Variants in HS3ST4 observed in about 807,000 individuals in gnomAD.
The protein encoded by HS3ST4 is heparan sulfate-glucosamine 3-sulfotransferase 4.
HS3ST4 carries 17 observed loss-of-function variants against 29.2 expected under a neutral mutation model. That is an observed-to-expected ratio of 0.58 (90% CI 0.40 to 0.87). HS3ST4 has a LOEUF of 0.87. HS3ST4 is among the 40% of genes least tolerant of loss of function. The probability of loss-of-function intolerance (pLI) is 0.00; values close to 1 mark genes in which losing one functional copy is unlikely to be tolerated. For missense variants in HS3ST4, 627 were observed against 634.5 expected (o/e 0.99, Z 0.13); for synonymous variants, 314 against 285.7 (o/e 1.10, Z -1.00).
At chr16:25,725,402 C>G (rs1475719981) in intron 1 of HS3ST4, among the ~76,000 whole-genome samples, 1 of 152,090 alleles carries the variant, frequency 6.6e-6, no homozygotes, top group Non-Finnish European at 1.5e-5. Flanking sequence ...TTAGAAAATA[C>G]CAAAAGTACA....
intron 1 of HS3ST4, among the ~76,000 whole-genome samples, chr16:25,832,589 G>T (rs565462433): frequency 6.6e-6 from 1 of 152,110 alleles, no homozygotes; most frequent in African/African-American, 2.4e-5. Flanking sequence ...TTATGAAATC[G>T]TTGTGTTTAT....
intron 1 of HS3ST4, among the ~76,000 whole-genome samples, chr16:25,968,349 G>A (rs1285976418): frequency 1.3e-5 from 2 of 152,090 alleles, no homozygotes; most frequent in African/African-American, 2.4e-5. Flanking sequence ...GTCTCTGGAC[G>A]ATCAGGACCT....
intron 1 of HS3ST4, among the ~76,000 whole-genome samples, chr16:26,104,061 C>G (rs552041159): frequency 1.1e-4 from 16 of 152,144 alleles, no homozygotes; most frequent in Non-Finnish European, 1.6e-4. Flanking sequence ...GTATTTAGAA[C>G]TCCCTAAAGG....
At chr16:25,752,633 C>G (rs1966729622) in intron 1 of HS3ST4, among the ~76,000 whole-genome samples, 1 of 152,184 alleles carries the variant, frequency 6.6e-6, no homozygotes, top group Non-Finnish European at 1.5e-5. Flanking sequence ...AAACACAGCT[C>G]TCTCTTCATT....
intron 1 of HS3ST4, among the ~76,000 whole-genome samples, chr16:25,948,343 A>AT (rs111375192): frequency 0.013 from 2,021 of 150,248 alleles, 37 homozygotes; most frequent in African/African-American, 0.045. Context: ...GTTATATGCA[A>AT]TTTTTTTTTT....
chr16:25,778,456 C>G (rs1024784628), intron 1 of HS3ST4, among the ~76,000 whole-genome samples: 2 of 152,326 alleles, frequency 1.3e-5, no homozygotes, highest in Middle Eastern at 3.4e-3. Flanking sequence ...CAAACAAGTA[C>G]TAGGACTGAA....
At chr16:26,119,639 G>A (rs959175874) in intron 1 of HS3ST4, among the ~76,000 whole-genome samples, 3 of 151,976 alleles carry the variant, frequency 2.0e-5, no homozygotes, top group African/African-American at 4.8e-5. Context: ...CCTCAATTTG[G>A]GCACATTTTT....
At chr16:25,710,017 A>G (rs1023758397) in intron 1 of HS3ST4, among the ~76,000 whole-genome samples, 1 of 152,154 alleles carries the variant, frequency 6.6e-6, no homozygotes, top group African/African-American at 2.4e-5. Context: ...GATCAGTCTT[A>G]ATTTAACAAC....
intron 1 of HS3ST4, among the ~76,000 whole-genome samples, chr16:26,065,925 A>G (rs1452824607): frequency 1.3e-5 from 2 of 152,258 alleles, no homozygotes; most frequent in Non-Finnish European, 2.9e-5. Flanking sequence ...TAGTTGTGAT[A>G]GAAAAGAGCA....
chr16:25,862,818 T>C (rs1379744792), intron 1 of HS3ST4, among the ~76,000 whole-genome samples: 1 of 152,200 alleles, frequency 6.6e-6, no homozygotes, highest in Non-Finnish European at 1.5e-5. Flanking sequence ...GCATCATTGG[T>C]TATTTGTATC....
intron 1 of HS3ST4, among the ~76,000 whole-genome samples, chr16:25,958,972 C>T (rs908292910): frequency 2.0e-5 from 3 of 152,164 alleles, no homozygotes; most frequent in Admixed American, 2.0e-4. Flanking sequence ...AAGTTCATTG[C>T]ACAATGCACA....
rs117759573 is a variant in HS3ST4 at position 25,952,045 on chromosome 16, A to G, written c.735-183567A>G. On this transcript the variant is annotated intron_variant, in intron 1 of 1. Coordinates refer to ENST00000331351, the MANE Select transcript of HS3ST4 (RefSeq NM_006040.3). Reference sequence around the variant, plus strand: ...TTGTAGTACATGAAAATCATATAGAATTCAGACTTCATTGTCCATAAGTGA... The same window carrying G: ...TTGTAGTACATGAAAATCATATAGAGTTCAGACTTCATTGTCCATAAGTGA... 1.4e-3 allele frequency among the ~76,000 whole-genome samples: 219 copies of G among 152,344 alleles called. No homozygotes were observed. In the East Asian group the frequency reaches 0.02, roughly 14 times the overall value.
At chr16:25,853,828 A>G (rs1173754497) in intron 1 of HS3ST4, among the ~76,000 whole-genome samples, 2 of 152,118 alleles carry the variant, frequency 1.3e-5, no homozygotes, top group East Asian at 1.9e-4. Context: ...TTCTTGCAGT[A>G]TTCTTGTCTG....
At chr16:25,850,121 T>C (rs577816634) in intron 1 of HS3ST4, among the ~76,000 whole-genome samples, 81 of 151,856 alleles carry the variant, frequency 5.3e-4, no homozygotes, top group African/African-American at 2.0e-3. Flanking sequence ...TGCCTCAGTC[T>C]CTCGAGTAGC....
intron 1 of HS3ST4, among the ~76,000 whole-genome samples, chr16:25,727,849 T>C (rs184084037): frequency 6.6e-6 from 1 of 152,262 alleles, no homozygotes; most frequent in South Asian, 2.1e-4. Flanking sequence ...AAAATACACA[T>C]GTGCACACAT....
chr16:26,115,087 G>A (rs972277797), intron 1 of HS3ST4, among the ~76,000 whole-genome samples: 7 of 151,978 alleles, frequency 4.6e-5, no homozygotes, highest in East Asian at 1.9e-4. Flanking sequence ...AAGAAGTATC[G>A]TTGAGTAGAA....
intron 1 of HS3ST4, among the ~76,000 whole-genome samples, chr16:25,931,544 G>A (rs1968463862): frequency 6.6e-6 from 1 of 152,208 alleles, no homozygotes; most frequent in African/African-American, 2.4e-5. Flanking sequence ...GAAAGCAAAA[G>A]CACCTTCAAT....
intron 1 of HS3ST4, among the ~76,000 whole-genome samples, chr16:25,852,323 T>G (rs1359638031): frequency 6.6e-6 from 1 of 152,156 alleles, no homozygotes; most frequent in Non-Finnish European, 1.5e-5. Context: ...TTTTAAGTTC[T>G]GGGGTACATG....
intron 1 of HS3ST4, among the ~76,000 whole-genome samples, chr16:26,127,513 C>T (rs550843961): frequency 6.6e-6 from 1 of 152,298 alleles, no homozygotes; most frequent in South Asian, 2.1e-4. Context: ...TGTTGACAAA[C>T]CCTCATTTCT....
Sources: allele counts gnomAD v4.1 joint callset (sites outside exome capture counted in the v4.1 genomes callset), GRCh38; gene constraint gnomAD v4.1.1; transcripts MANE v1.5; gene names NCBI Gene and HGNC (gene_info 2026-07-23, HGNC 2026-07-21).